ABCG1: variants seen among roughly 807,000 people sequenced by gnomAD.
The protein encoded by ABCG1 is ATP binding cassette subfamily G member 1, also known as ATP-binding cassette sub-family G member 1.
ABCG1 carries 29 observed loss-of-function variants against 69.2 expected under a neutral mutation model. That is an observed-to-expected ratio of 0.42 (90% confidence interval 0.31 to 0.57). ABCG1 has a LOEUF of 0.57. Ranked by LOEUF, ABCG1 falls within the 20% of genes least tolerant of loss-of-function variation. ABCG1 has a pLI of 0.15. For missense variants in ABCG1, 718 were observed against 898.1 expected, an observed-to-expected ratio of 0.80 and a Z score of 2.56; for synonymous variants, 370 against 374.8, an observed-to-expected ratio of 0.99 and a Z score of 0.15.
intron 6 of ABCG1, among the ~76,000 whole-genome samples, chr21:42,283,022 C>G (rs1043358965): frequency 6.6e-6 from 1 of 152,182 alleles, no homozygotes; most frequent in East Asian, 1.9e-4. Flanking sequence ...ATCTGGTGCC[C>G]CCAGCCGCAG....
Position 42,225,918 on chromosome 21 carries a change from G to T in ABCG1, c.286+4G>T, listed in dbSNP as rs4148108. On this transcript the variant is annotated splice_donor_region_variant and intron_variant, in intron 2 of 14. Transcript: ENST00000398449. ...GGACCCTGGTGGAGGAAGAAAGGTAGGGAGGGCGGCTGCTTTGTGTATCAA... is the reference window on the plus strand; with the variant it reads ...GGACCCTGGTGGAGGAAGAAAGGTATGGAGGGCGGCTGCTTTGTGTATCAA... 2 of 1,610,408 alleles carry T rather than the reference G, an allele frequency of 1.2e-6. No individual in the cohort carries two copies. Among genetic ancestry groups the T allele is most frequent in the Non-Finnish European group, 1.7e-6 (2 of 1,178,516 alleles).
Position 42,288,443 on chromosome 21 carries a change from C to T in ABCG1, c.1224+131C>T. 1.4e-6 allele frequency: 1 copy of T among 713,038 alleles called. No individual in the cohort carries two copies. The highest frequency in any genetic ancestry group is 2.3e-6 in the Non-Finnish European group (1 of 426,282). The allele number at this position is 713,038 out of a possible 1,614,324, so 44.2% of individuals were successfully genotyped here. ...ATTCATGAGGCCAGGCATGGTGACT[C>T]ATGTCTGTAACCCCAGCACTTTGGG... On this transcript the variant is annotated intron_variant, in intron 10 of 14. Coordinates refer to ENST00000398449, the MANE Select transcript of ABCG1 (RefSeq NM_016818.3). This position sits in a 1 kb window ranked among gnomAD's most constrained non-coding sequence, Gnocchi z 4.8.
intron 2 of ABCG1, among the ~76,000 whole-genome samples, chr21:42,270,131 G>A (rs2068589226): frequency 6.6e-6 from 1 of 152,102 alleles, no homozygotes; most frequent in Non-Finnish European, 1.5e-5. Context: ...ATGGTGGCAG[G>A]CGCCTCTAGT....
chr21:42,237,402 A>T (rs1442032020), intron 2 of ABCG1, among the ~76,000 whole-genome samples: 1 of 152,096 alleles, frequency 6.6e-6, no homozygotes, highest in African/African-American at 2.4e-5. Flanking sequence ...AACCCACCTC[A>T]TCTCCCCAGG....
At chr21:42,254,384 G>T (rs2068269491) in intron 2 of ABCG1, among the ~76,000 whole-genome samples, 1 of 152,150 alleles carries the variant, frequency 6.6e-6, no homozygotes, top group South Asian at 2.1e-4. Flanking sequence ...ACTGAGGGGT[G>T]GTAGGGAGGG....
chr21:42,218,817 A>G (rs1238110160), upstream of ABCG1, among the ~76,000 whole-genome samples: 1 of 152,116 alleles, frequency 6.6e-6, no homozygotes, highest in Non-Finnish European at 1.5e-5. Flanking sequence ...CAGCCGCTTG[A>G]GGCTTGGAGG....
chr21:42,253,797 G>A (rs905574438), intron 2 of ABCG1, among the ~76,000 whole-genome samples: 2 of 152,158 alleles, frequency 1.3e-5, no homozygotes, highest in African/African-American at 4.8e-5. Flanking sequence ...TTATAGGGAA[G>A]TGAGGAGGTC....
rs1220054275 is a variant in ABCG1, at chr21:42,288,168, C to T, written c.1123-43C>T. On this transcript the variant is annotated intron_variant, in intron 9 of 14. Transcript: ENST00000398449. The surrounding 1 kb of genome is among the most constrained non-coding windows in gnomAD (Gnocchi z 4.8). ...TTCCGAGCAAGAAGGAGCCGTGGCT[C>T]CGGACTGGCTTTCACCCGCTCCCCT... The T allele has an allele frequency of 1.2e-6, 2 of 1,611,898 alleles. No homozygotes were observed. Among genetic ancestry groups the T allele is most frequent in the Non-Finnish European group, 1.7e-6 (2 of 1,177,972 alleles).
At chr21:42,278,504 T>C (rs1039966047) in intron 5 of ABCG1, among the ~76,000 whole-genome samples, 1 of 152,174 alleles carries the variant, frequency 6.6e-6, no homozygotes, top group Non-Finnish European at 1.5e-5. Flanking sequence ...AGTCTAACTG[T>C]GTCCCTGTAA....
intron 13 of ABCG1, among the ~76,000 whole-genome samples, chr21:42,294,174 C>T (rs572226924): frequency 2.0e-5 from 3 of 152,300 alleles, no homozygotes; most frequent in East Asian, 1.9e-4. Flanking sequence ...AAGGGGTGCC[C>T]GCCACACACC....
In ABCG1 at chr21:42,282,667, C is replaced by T. The variant is rs118178631; in HGVS notation, c.734+248C>T. On this transcript the variant is annotated intron_variant, in intron 6 of 14. Coordinates refer to ENST00000398449, the MANE Select transcript of ABCG1 (RefSeq NM_016818.3). ...GGGGGTATGGCTTTGGGGGAAACGT[C>T]CTTTCACGATGCATATCTCTTCCAT... Among the ~76,000 whole-genome samples, 855 of 152,346 alleles carry T rather than the reference C, an allele frequency of 5.6e-3. 5 individuals are homozygous for T. The highest frequency in any genetic ancestry group is 0.01 in the Middle Eastern group (3 of 294).
intron 2 of ABCG1, among the ~76,000 whole-genome samples, chr21:42,244,699 G>A (rs1249269951): frequency 6.6e-6 from 1 of 152,232 alleles, no homozygotes. Flanking sequence ...AATGAGCTGG[G>A]AGGTGTGAAA....
chr21:42,268,282 C>A (rs917595413), intron 2 of ABCG1, among the ~76,000 whole-genome samples: 4 of 151,984 alleles, frequency 2.6e-5, no homozygotes, highest in African/African-American at 9.7e-5. Flanking sequence ...ATGGTCGCAT[C>A]TTCGCTTTAT....
At chr21:42,204,225 T>C (rs921637624) in intron 2 of ABCG1, among the ~76,000 whole-genome samples, 21 of 152,210 alleles carry the variant, frequency 1.4e-4, no homozygotes, top group African/African-American at 7.2e-5. Context: ...TTCCAATCTG[T>C]CTGCCATTTA....
At chr21:42,277,345 A>G (rs918790705) in intron 5 of ABCG1, among the ~76,000 whole-genome samples, 3 of 152,208 alleles carry the variant, frequency 2.0e-5, no homozygotes, top group African/African-American at 7.2e-5. Context: ...TTTAAAAATA[A>G]CCACCCTCCA....
chr21:42,211,766 G>GT (rs2067592016), upstream of ABCG1, among the ~76,000 whole-genome samples: 1 of 152,032 alleles, frequency 6.6e-6, no homozygotes. Flanking sequence ...GCATGCGCTG[G>GT]TAATTCCAGC....
At position 42,287,602 on chromosome 21, in the gene ABCG1, G is replaced by A. The variant is rs549167081; in HGVS notation, c.974-287G>A. 4.6e-5 allele frequency among the ~76,000 whole-genome samples: 7 copies of A among 152,184 alleles called. No homozygotes were observed. The highest frequency in any genetic ancestry group is 1.9e-4 in the East Asian group (1 of 5,190). ...CCAGAGCAGGCATTCAGTAAGTACC[G>A]GCTGGATGAGCAGTCGGTAGATGCA... is the stretch of plus-strand genomic sequence containing the variant. On this transcript the variant is annotated intron_variant, in intron 8 of 14. Coordinates refer to ENST00000398449, the MANE Select transcript of ABCG1 (RefSeq NM_016818.3). The surrounding 1 kb of genome is among the most constrained non-coding windows in gnomAD (Gnocchi z 6.2).
chr21:42,271,713 C>G (rs1439165446), intron 3 of ABCG1, among the ~76,000 whole-genome samples: 1 of 152,180 alleles, frequency 6.6e-6, no homozygotes, highest in Non-Finnish European at 1.5e-5. Context: ...GAAACCCCAT[C>G]TCTACTGAAG....
At chr21:42,223,817 G>T (rs1360694637) in intron 1 of ABCG1, among the ~76,000 whole-genome samples, 3 of 152,190 alleles carry the variant, frequency 2.0e-5, no homozygotes, top group Non-Finnish European at 4.4e-5. Context: ...GTAGATGGGT[G>T]GTGTGGTGGC....
Sources: allele counts gnomAD v4.1 joint callset (sites outside exome capture counted in the v4.1 genomes callset), GRCh38; gene constraint gnomAD v4.1.1; non-coding constraint Gnocchi (gnomAD v3.1); transcripts MANE v1.5; gene names NCBI Gene and HGNC (gene_info 2026-07-23, HGNC 2026-07-21).